PRUNE2: variants seen among roughly 807,000 people sequenced by gnomAD.
The protein encoded by PRUNE2 is prune homolog 2 with BCH domain, also known as protein prune homolog 2.
Under a neutral mutation model 252.0 loss-of-function variants are expected in PRUNE2, and 164 were observed. That is an observed-to-expected ratio of 0.65 (90% CI 0.57 to 0.74). The LOEUF (loss-of-function observed/expected upper bound fraction) is 0.74. Ranked by LOEUF, PRUNE2 falls within the 30% of genes least tolerant of loss-of-function variation. The probability of loss-of-function intolerance (pLI) is 0.00; values close to 1 mark genes in which losing one functional copy is unlikely to be tolerated. For missense variants in PRUNE2, 3,495 were observed against 3,711.0 expected, an observed-to-expected ratio of 0.94 and a Z score of 1.51; for synonymous variants, 1,292 against 1,350.2, an observed-to-expected ratio of 0.96 and a Z score of 0.94.
At chr9:76,900,336 C>T (rs1017669280) in intron 1 of PRUNE2, among the ~76,000 whole-genome samples, 3 of 152,146 alleles carry the variant, frequency 2.0e-5, no homozygotes, top group African/African-American at 7.2e-5. Flanking sequence ...TATTCTAACC[C>T]AAACTTTGTG....
intron 6 of PRUNE2, among the ~76,000 whole-genome samples, chr9:76,797,597 T>C (rs2056209582): frequency 6.6e-6 from 1 of 152,240 alleles, no homozygotes; most frequent in Non-Finnish European, 1.5e-5. Flanking sequence ...ATACAGTTTA[T>C]ATAGGTGAAA....
intron 1 of PRUNE2, among the ~76,000 whole-genome samples, chr9:76,859,614 C>T (rs1286698401): frequency 1.3e-5 from 2 of 152,084 alleles, no homozygotes; most frequent in African/African-American, 4.8e-5. Context: ...TTAATCATCA[C>T]AGGGCCAGCC....
chr9:76,790,001 G>T (rs890494679), intron 6 of PRUNE2, among the ~76,000 whole-genome samples: 16 of 151,968 alleles, frequency 1.1e-4, no homozygotes, highest in African/African-American at 3.1e-4. Flanking sequence ...GTAGGGGTGG[G>T]GCCACTTCTA....
At chr9:76,807,677 G>A (rs1294952337) in intron 6 of PRUNE2, among the ~76,000 whole-genome samples, 1 of 152,166 alleles carries the variant, frequency 6.6e-6, no homozygotes, top group Non-Finnish European at 1.5e-5. Flanking sequence ...CCAGTGTGAT[G>A]TTCATGGCAT....
intron 9 of PRUNE2, among the ~76,000 whole-genome samples, chr9:76,670,674 A>C (rs966798102): frequency 4.6e-5 from 7 of 152,130 alleles, no homozygotes; most frequent in African/African-American, 1.7e-4. Flanking sequence ...TGAAGAGAGC[A>C]GTGGTTCTCC....
In PRUNE2 at chr9:76,854,096, T is replaced by C; in HGVS notation, c.141+8A>G. ...AAATATAAGGAGTATTACCCTTTTTTCCCTCACCTTGTCTAGAAAGTAAGC... is the reference window on the plus strand; with the variant it reads ...AAATATAAGGAGTATTACCCTTTTTCCCCTCACCTTGTCTAGAAAGTAAGC... On this transcript the variant is annotated splice_region_variant and intron_variant, in intron 2 of 18. Transcript: ENST00000376718. 1.4e-6 allele frequency: 2 copies of C among 1,457,028 alleles called. No individual in the cohort carries two copies. The highest frequency in any genetic ancestry group is 1.9e-6 in the Non-Finnish European group (2 of 1,046,120). 90.3% of individuals were successfully genotyped at this position (1,457,028 alleles called of 1,614,324 possible).
At chr9:76,871,685 G>A (rs2061209289) in intron 1 of PRUNE2, among the ~76,000 whole-genome samples, 1 of 152,214 alleles carries the variant, frequency 6.6e-6, no homozygotes, top group African/African-American at 2.4e-5. Context: ...CTGGAGTGCA[G>A]GGGCACAACG....
intron 16 of PRUNE2, chr9:76,624,881 A>G (rs766225652): frequency 1.9e-5 from 9 of 466,448 alleles, no homozygotes; most frequent in Non-Finnish European, 3.1e-5. Context: ...ACAGCTTTAC[A>G]CACAGGACAA....
intron 3 of PRUNE2, 144 bp from the exon 4 acceptor site, chr9:76,846,822 G>A: frequency 1.6e-6 from 1 of 629,004 alleles, no homozygotes; most frequent in South Asian, 2.2e-5. Flanking sequence ...CAGAAGACGG[G>A]AGCCTTATTC....
At chr9:76,690,656 T>C (rs1416024289) in intron 9 of PRUNE2, among the ~76,000 whole-genome samples, 4 of 152,180 alleles carry the variant, frequency 2.6e-5, no homozygotes, top group African/African-American at 9.7e-5. Context: ...AAAAGTTAAT[T>C]TGACTTCTTG....
chr9:76,876,992 A>G (rs1252153141), intron 1 of PRUNE2, among the ~76,000 whole-genome samples: 3 of 152,130 alleles, frequency 2.0e-5, no homozygotes, highest in African/African-American at 7.2e-5. Flanking sequence ...ACTGAGCCCA[A>G]CTCTACTGCT....
At chr9:76,891,308 TTTC>T (rs2062458901) in intron 1 of PRUNE2, among the ~76,000 whole-genome samples, 1 of 152,180 alleles carries the variant, frequency 6.6e-6, no homozygotes, top group South Asian at 2.1e-4. Context: ...ATTAAACTTC[TTTC>T]CCACATTACA....
At chr9:76,772,964 T>G (rs931613196) in intron 6 of PRUNE2, among the ~76,000 whole-genome samples, 1 of 152,208 alleles carries the variant, frequency 6.6e-6, no homozygotes, top group Non-Finnish European at 1.5e-5. Context: ...TTTTTGCTCC[T>G]TTCCTTCAAC....
At chr9:76,894,716 G>GAAAAAAAAAA (rs1170899729) in intron 1 of PRUNE2, among the ~76,000 whole-genome samples, 26 of 110,696 alleles carry the variant, frequency 2.3e-4, no homozygotes, top group South Asian at 7.2e-4. Context: ...ATTTTCTGCA[G>GAAAAAAAAAA]CAAAAAAAAA....
At chr9:76,639,257 C>T (rs1045465034) in intron 12 of PRUNE2, among the ~76,000 whole-genome samples, 2 of 152,052 alleles carry the variant, frequency 1.3e-5, no homozygotes, top group Non-Finnish European at 2.9e-5. Flanking sequence ...TTTGGGAGGC[C>T]GAGGTAGGCA....
chr9:76,718,907 T>A (rs982496878), intron 6 of PRUNE2, among the ~76,000 whole-genome samples: 2 of 152,212 alleles, frequency 1.3e-5, no homozygotes, highest in African/African-American at 2.4e-5. Flanking sequence ...CCTTGATTGT[T>A]TTTTTCCTCA....
intron 2 of PRUNE2, among the ~76,000 whole-genome samples, chr9:76,852,544 C>T (rs1361858): frequency 0.37 from 55,752 of 150,418 alleles, 12,427 homozygotes; most frequent in African/African-American, 0.66. Context: ...AATGGGGTCA[C>T]ACGCATGAGG....
At chr9:76,857,126 T>A (rs115313882) in intron 1 of PRUNE2, 12 of 455,900 alleles carry the variant, frequency 2.6e-5, no homozygotes, top group Non-Finnish European at 4.9e-5. Flanking sequence ...AGTTCCTTCA[T>A]GGTCATGGCC....
At chr9:76,720,114 C>G (rs1564146766) in intron 6 of PRUNE2, among the ~76,000 whole-genome samples, 1 of 132,408 alleles carries the variant, frequency 7.6e-6, no homozygotes, top group African/African-American at 2.7e-5. Flanking sequence ...GATTGTTAAA[C>G]TGCTATTAAA....
Sources: allele counts gnomAD v4.1 joint callset (sites outside exome capture counted in the v4.1 genomes callset), GRCh38; gene constraint gnomAD v4.1.1; transcripts MANE v1.5; gene names NCBI Gene and HGNC (gene_info 2026-07-23, HGNC 2026-07-21).